The following ZBTB7C variants were observed in gnomAD, a reference collection of about 807,000 sequenced individuals.
ZBTB7C encodes the protein zinc finger and BTB domain-containing protein 7C.
In ZBTB7C, 8 loss-of-function variants were observed where a neutral mutation model predicts 25.7. The ratio of observed to expected loss-of-function variants is 0.31; its 90% CI spans 0.18 to 0.56. The LOEUF (loss-of-function observed/expected upper bound fraction) is 0.56, where lower values mean the gene tolerates loss of function less well. ZBTB7C is among the 20% of genes least tolerant of loss of function. The pLI, the probability that ZBTB7C is intolerant of heterozygous loss-of-function variation, is 0.91. For synonymous variants in ZBTB7C, 394 were observed against 369.0 expected, an observed-to-expected ratio of 1.07 and a Z score of -0.78; for missense variants, 824 against 855.2, an observed-to-expected ratio of 0.96 and a Z score of 0.46.
intron 3 of ZBTB7C, among the ~76,000 whole-genome samples, chr18:48,170,250 C>G (rs1234586575): frequency 6.6e-6 from 1 of 152,246 alleles, no homozygotes; most frequent in Non-Finnish European, 1.5e-5. Context: ...CACCTGCTTG[C>G]CAGGCCTGTG....
intron 2 of ZBTB7C, among the ~76,000 whole-genome samples, chr18:48,260,836 G>A (rs16948993): frequency 0.015 from 2,275 of 152,284 alleles, 65 homozygotes; most frequent in African/African-American, 0.052. Context: ...CTGGTGATCT[G>A]GCCTCCCTGT....
At chr18:48,083,651 T>A (rs755497146) in intron 3 of ZBTB7C, among the ~76,000 whole-genome samples, 9 of 152,190 alleles carry the variant, frequency 5.9e-5, no homozygotes, top group Non-Finnish European at 1.0e-4. Flanking sequence ...AATCACTGAA[T>A]GCTTCTCTGT....
intron 3 of ZBTB7C, among the ~76,000 whole-genome samples, chr18:48,158,671 T>C (rs534596335): frequency 6.6e-6 from 1 of 152,292 alleles, no homozygotes; most frequent in Admixed American, 6.5e-5. Context: ...AAGACTCCGT[T>C]TTTATTATTG....
chr18:48,029,187 A>G lies in ZBTB7C; in HGVS notation c.*73T>C. 6.9e-7 allele frequency: 1 copy of G among 1,454,064 alleles called. No individual in the cohort carries two copies. The highest frequency in any genetic ancestry group is 9.0e-7 in the Non-Finnish European group (1 of 1,111,660). 90.1% of individuals were successfully genotyped at this position (1,454,064 alleles called of 1,614,324 possible). On this transcript the variant is annotated 3_prime_UTR_variant, in exon 5 of 5. Transcript: ENST00000590800. Reference sequence around the variant, plus strand: ...TTTTTAAAATGAAAAGTTCAGATCCATGGGGTAGGGTAGAGTGGGCCTGGA... The same window carrying G: ...TTTTTAAAATGAAAAGTTCAGATCCGTGGGGTAGGGTAGAGTGGGCCTGGA...
intron 1 of ZBTB7C, among the ~76,000 whole-genome samples, chr18:48,405,073 A>G (rs1054909817): frequency 1.3e-5 from 2 of 152,188 alleles, no homozygotes; most frequent in African/African-American, 4.8e-5. Context: ...ACAGAAAGAC[A>G]AGCTCAGTGC....
At chr18:48,218,749 G>A (rs977283815) in intron 2 of ZBTB7C, among the ~76,000 whole-genome samples, 2 of 152,186 alleles carry the variant, frequency 1.3e-5, no homozygotes, top group African/African-American at 4.8e-5. Flanking sequence ...GCCGACTATG[G>A]CTGACATCCA....
chr18:48,058,346 G>A (rs746163703), intron 3 of ZBTB7C, among the ~76,000 whole-genome samples: 2 of 152,150 alleles, frequency 1.3e-5, no homozygotes, highest in Non-Finnish European at 2.9e-5. Flanking sequence ...CCCTTTGTGG[G>A]ACCCTGCCAT....
At chr18:48,199,484 C>A (rs890764633) in intron 2 of ZBTB7C, among the ~76,000 whole-genome samples, 3 of 152,092 alleles carry the variant, frequency 2.0e-5, no homozygotes, top group Admixed American at 6.6e-5. Context: ...TTTTTTATAA[C>A]CTTCCATTCT....
intron 2 of ZBTB7C, among the ~76,000 whole-genome samples, chr18:48,317,647 C>G (rs979398656): frequency 2.0e-5 from 3 of 152,206 alleles, no homozygotes; most frequent in Non-Finnish European, 4.4e-5. Flanking sequence ...CACATGGCAT[C>G]TCAGTGAAAC....
rs565496436 is a variant in ZBTB7C at position 48,227,033 on chromosome 18, A to G, written c.-78-41038T>C. Among the ~76,000 whole-genome samples, 719 of 149,780 alleles carry G rather than the reference A, an allele frequency of 4.8e-3. 1 individual carries two copies. Among genetic ancestry groups the G allele is most frequent in the Non-Finnish European group, 8.0e-3 (539 of 67,550 alleles). On this transcript the variant is annotated intron_variant, in intron 2 of 4. Coordinates refer to ENST00000590800, the MANE Select transcript of ZBTB7C (RefSeq NM_001318841.2). ...AGACTCCATCTCAAAAAAAAAAAAA[A>G]AAAAAGAAAAAGAAAAAGAAAAAAA...
intron 3 of ZBTB7C, among the ~76,000 whole-genome samples, chr18:48,151,782 T>C (rs995893386): frequency 6.6e-6 from 1 of 152,218 alleles, no homozygotes; most frequent in African/African-American, 2.4e-5. Context: ...CACGTTTCCA[T>C]GCTTTTCGTG....
intron 1 of ZBTB7C, among the ~76,000 whole-genome samples, chr18:48,339,563 G>A (rs1259025626): frequency 2.0e-5 from 3 of 152,192 alleles, no homozygotes; most frequent in African/African-American, 7.2e-5. Context: ...AGATCACACC[G>A]TAAGTAAATG....
At chr18:48,096,375 G>A (rs1024163354) in intron 3 of ZBTB7C, among the ~76,000 whole-genome samples, 3 of 152,130 alleles carry the variant, frequency 2.0e-5, no homozygotes, top group African/African-American at 4.8e-5. Context: ...TTCTTAATGC[G>A]CTTTCTGGGC....
chr18:48,169,371 C>T (rs960577836), intron 3 of ZBTB7C, among the ~76,000 whole-genome samples: 8 of 152,152 alleles, frequency 5.3e-5, no homozygotes, highest in African/African-American at 9.7e-5. Flanking sequence ...CTAGATCACA[C>T]GACTTCATGG....
rs144733026 is a variant in ZBTB7C, at chr18:48,408,919, C to T, written c.-304+307G>A. The stretch of plus-strand genomic sequence containing the variant: ...TCGCTCTCCGCTGGCTCTCCCCTCC[C>T]TCCTTCCCTCCCTCCCTCCTCCCGC... On this transcript the variant is annotated intron_variant, in intron 1 of 4. Coordinates refer to ENST00000590800, the MANE Select transcript of ZBTB7C (RefSeq NM_001318841.2). 5.4e-3 allele frequency among the ~76,000 whole-genome samples: 820 copies of T among 151,296 alleles called. 2 individuals are homozygous for T. The highest frequency in any genetic ancestry group is 9.0e-3 in the Non-Finnish European group (606 of 67,702).
intron 3 of ZBTB7C, among the ~76,000 whole-genome samples, chr18:48,144,950 G>A (rs923236712): frequency 1.3e-5 from 2 of 152,138 alleles, no homozygotes; most frequent in Non-Finnish European, 2.9e-5. Context: ...CTGGATGGAC[G>A]TCTTCTGGGC....
intron 2 of ZBTB7C, among the ~76,000 whole-genome samples, chr18:48,240,602 C>T (rs141376819): frequency 0.039 from 5,906 of 152,224 alleles, 150 homozygotes; most frequent in Non-Finnish European, 0.058. Context: ...AACTAAGCTT[C>T]ATAAATGAAG....
At chr18:48,210,633 A>C (rs1356858545) in intron 2 of ZBTB7C, among the ~76,000 whole-genome samples, 4 of 151,690 alleles carry the variant, frequency 2.6e-5, no homozygotes, top group Non-Finnish European at 5.9e-5. Flanking sequence ...GACAGAAGGC[A>C]GATTAAGTGG....
chr18:48,281,703 T>A (rs1568350221), intron 2 of ZBTB7C, among the ~76,000 whole-genome samples: 1 of 151,732 alleles, frequency 6.6e-6, no homozygotes, highest in African/African-American at 2.4e-5. Flanking sequence ...AAAAAACACA[T>A]GAAAAAATGC....
Sources: allele counts gnomAD v4.1 joint callset (sites outside exome capture counted in the v4.1 genomes callset), GRCh38; gene constraint gnomAD v4.1.1; transcripts MANE v1.5; gene names NCBI Gene and HGNC (gene_info 2026-07-23, HGNC 2026-07-21).